The following UBE2E2 variants were observed in gnomAD, a reference collection of about 807,000 sequenced individuals.
The protein encoded by UBE2E2 is ubiquitin-conjugating enzyme E2 E2.
Under a neutral mutation model 24.7 loss-of-function variants are expected in UBE2E2, and 6 were observed. The observed-to-expected ratio is 0.24, with a 90% CI of 0.13 to 0.48. The LOEUF is 0.48. UBE2E2 is among the 20% of genes least tolerant of loss of function. The probability of loss-of-function intolerance (pLI) is 0.99; values close to 1 mark genes in which losing one functional copy is unlikely to be tolerated. For synonymous variants in UBE2E2, 104 were observed against 83.6 expected (o/e 1.24, Z -1.33); for missense variants, 169 against 245.0 (o/e 0.69, Z 2.07).
chr3:23,349,019 A>G (rs1346431149), intron 3 of UBE2E2, among the ~76,000 whole-genome samples: 1 of 152,102 alleles, frequency 6.6e-6, no homozygotes, highest in African/African-American at 2.4e-5. Context: ...GCAGGAGTTG[A>G]TAGTACTGAG....
chr3:23,522,842 G>A (rs150732183), intron 4 of UBE2E2, among the ~76,000 whole-genome samples: 6 of 152,054 alleles, frequency 3.9e-5, no homozygotes, highest in African/African-American at 1.4e-4. Context: ...CCATGAAGAT[G>A]CAAATGCAAA....
chr3:23,341,229 G>A (rs2125310029), intron 3 of UBE2E2, among the ~76,000 whole-genome samples: 1 of 152,200 alleles, frequency 6.6e-6, no homozygotes, highest in Non-Finnish European at 1.5e-5. Context: ...TCTTATTGGT[G>A]GTGATGTTCC....
intron 3 of UBE2E2, among the ~76,000 whole-genome samples, chr3:23,309,389 T>C (rs1300240973): frequency 1.3e-5 from 2 of 152,242 alleles, no homozygotes; most frequent in African/African-American, 4.8e-5. Flanking sequence ...GTGCTAGATA[T>C]TTCAAATACC....
In UBE2E2 at chr3:23,203,398, C is replaced by T. The variant is rs1173060896; in HGVS notation, c.-75C>T. 1.0e-6 allele frequency: 1 copy of T among 985,246 alleles called. No individual in the cohort carries two copies. Among genetic ancestry groups the T allele is most frequent in the Non-Finnish European group, 1.2e-6 (1 of 830,144 alleles). The allele number at this position is 985,246 out of a possible 1,614,324, so 61.0% of individuals were successfully genotyped here. On this transcript the variant is annotated 5_prime_UTR_variant, in exon 1 of 6. Coordinates refer to ENST00000396703, the MANE Select transcript of UBE2E2 (RefSeq NM_152653.4). The stretch of plus-strand genomic sequence containing the variant: ...GCCTCCCCAGTCTCCCTCCCCCTCG[C>T]GCCTGGGCAGCTCTCTCCCAGGGCT...
At chr3:23,513,142 T>C (rs1404899664) in intron 4 of UBE2E2, among the ~76,000 whole-genome samples, 1 of 152,202 alleles carries the variant, frequency 6.6e-6, no homozygotes, top group African/African-American at 2.4e-5. Flanking sequence ...GTTTATTTTC[T>C]TCATTTCTTT....
At chr3:23,351,040 G>A (rs982722634) in intron 3 of UBE2E2, among the ~76,000 whole-genome samples, 61 of 152,278 alleles carry the variant, frequency 4.0e-4, no homozygotes, top group South Asian at 1.5e-3. Context: ...CAGATCTCTC[G>A]GCAGAAACTC....
At chr3:23,375,371 C>G (rs1215549787) in intron 3 of UBE2E2, among the ~76,000 whole-genome samples, 1 of 152,140 alleles carries the variant, frequency 6.6e-6, no homozygotes, top group Non-Finnish European at 1.5e-5. Context: ...GATCCAAAAA[C>G]CTGAAAAATT....
At chr3:23,510,141 A>G (rs1394723186) in intron 4 of UBE2E2, among the ~76,000 whole-genome samples, 1 of 152,194 alleles carries the variant, frequency 6.6e-6, no homozygotes, top group East Asian at 1.9e-4. Context: ...ACAGAGAGAA[A>G]TGAATGTTCC....
At chr3:23,306,557 G>C (rs1235866615) in intron 3 of UBE2E2, among the ~76,000 whole-genome samples, 5 of 152,156 alleles carry the variant, frequency 3.3e-5, no homozygotes, top group African/African-American at 4.8e-5. Context: ...AAAACAAAGA[G>C]GTAAATAAAT....
chr3:23,552,542 T>G (rs774259341), intron 5 of UBE2E2, among the ~76,000 whole-genome samples: 11 of 152,120 alleles, frequency 7.2e-5, no homozygotes, highest in Non-Finnish European at 1.5e-4. Flanking sequence ...AAGGAGAGGT[T>G]TTGGGTTTTA....
At chr3:23,406,422 T>C (rs1697357521) in intron 3 of UBE2E2, among the ~76,000 whole-genome samples, 1 of 152,128 alleles carries the variant, frequency 6.6e-6, no homozygotes, top group South Asian at 2.1e-4. Context: ...GTCTGTAAAA[T>C]CGCAAGACTA....
At chr3:23,428,928 T>TAAAAAA (rs34525850) in intron 3 of UBE2E2, among the ~76,000 whole-genome samples, 4 of 75,906 alleles carry the variant, frequency 5.3e-5, no homozygotes, top group African/African-American at 1.6e-4. Flanking sequence ...CTCTGTCTCT[T>TAAAAAA]AAAAAAAAAA....
At chr3:23,273,530 CA>C (rs11328464) in intron 3 of UBE2E2, among the ~76,000 whole-genome samples, 45,616 of 140,732 alleles carry the variant, frequency 0.32, 7,171 homozygotes, top group South Asian at 0.41. Flanking sequence ...GACTCCGTCT[CA>C]AAAAAAAAAA....
intron 5 of UBE2E2, among the ~76,000 whole-genome samples, chr3:23,561,376 A>G (rs1030511898): frequency 1.9e-4 from 29 of 152,162 alleles, no homozygotes; most frequent in Middle Eastern, 3.4e-3. Context: ...AAGATCAGAT[A>G]GTTGTAGATG....
intron 3 of UBE2E2, among the ~76,000 whole-genome samples, chr3:23,396,213 A>G (rs1697069993): frequency 6.6e-6 from 1 of 150,690 alleles, no homozygotes; most frequent in Non-Finnish European, 1.5e-5. Flanking sequence ...AAACATTTCC[A>G]GAAGATAGAA....
chr3:23,500,026 T>G (rs1310919947), intron 4 of UBE2E2, among the ~76,000 whole-genome samples: 1 of 152,036 alleles, frequency 6.6e-6, no homozygotes, highest in South Asian at 2.1e-4. Flanking sequence ...GTTTTATGGG[T>G]GAAAATGGGG....
At chr3:23,565,444 C>CTTTTTTT (rs574461544) in intron 5 of UBE2E2, among the ~76,000 whole-genome samples, 4 of 46,234 alleles carry the variant, frequency 8.7e-5, no homozygotes, top group East Asian at 7.1e-4. Flanking sequence ...ATAGGCATGG[C>CTTTTTTT]TTTTTTTTTT....
intron 3 of UBE2E2, among the ~76,000 whole-genome samples, chr3:23,409,942 G>C (rs1697460632): frequency 6.6e-6 from 1 of 152,056 alleles, no homozygotes; most frequent in Non-Finnish European, 1.5e-5. Context: ...CTCTTATACA[G>C]TCACCAGTTA....
rs1240584726 is a variant in UBE2E2, at chr3:23,589,348, A to T, written c.509-386A>T. ...GGCAGGAGGAGGATTGCTTGATCCC[A>T]GGAGGTCAAGGCTACACTGAGCTGT... On this transcript the variant is annotated intron_variant, in intron 5 of 5. Transcript: ENST00000396703. The surrounding 1 kb of genome is among the most constrained non-coding windows in gnomAD (Gnocchi z 4.1). 2.0e-5 allele frequency among the ~76,000 whole-genome samples: 3 copies of T among 151,850 alleles called. No homozygotes were observed. The highest frequency in any genetic ancestry group is 7.3e-5 in the African/African-American group (3 of 41,314).
Sources: allele counts gnomAD v4.1 joint callset (sites outside exome capture counted in the v4.1 genomes callset), GRCh38; gene constraint gnomAD v4.1.1; non-coding constraint Gnocchi (gnomAD v3.1); transcripts MANE v1.5; gene names NCBI Gene and HGNC (gene_info 2026-07-23, HGNC 2026-07-21).